Variants in ELFN1 observed in about 807,000 individuals in gnomAD.
ELFN1 encodes protein ELFN1.
Under a neutral mutation model 7.6 loss-of-function variants are expected in ELFN1, and 6 were observed. The ratio of observed to expected loss-of-function variants is 0.79; its 90% CI spans 0.43 to 1.56. The LOEUF (loss-of-function observed/expected upper bound fraction) is 1.56, where lower values mean the gene tolerates loss of function less well. Ranked by LOEUF, ELFN1 falls within the 40% of genes most tolerant of loss-of-function variation. The pLI, the probability that ELFN1 is intolerant of heterozygous loss-of-function variation, is 0.01. For synonymous variants in ELFN1, 657 were observed against 588.1 expected (o/e 1.12, Z -1.70); for missense variants, 1,169 against 1,232.2 (o/e 0.95, Z 0.77).
At chr7:1,679,143 GC>G (rs1182434487) in intron 1 of ELFN1, among the ~76,000 whole-genome samples, 9 of 151,566 alleles carry the variant, frequency 5.9e-5, no homozygotes, top group Non-Finnish European at 1.3e-4. Flanking sequence ...ACACACGCGT[GC>G]GCGCACACAC....
rs558355287 is a variant in ELFN1, at chr7:1,695,395, C to T, written c.-456+7245C>T. 1.3e-5 allele frequency among the ~76,000 whole-genome samples: 2 copies of T among 152,118 alleles called. No individual in the cohort carries two copies. Among genetic ancestry groups the T allele is most frequent in the Non-Finnish European group, 2.9e-5 (2 of 68,010 alleles). On this transcript the variant is annotated intron_variant, in intron 2 of 3. Transcript: ENST00000424383. The surrounding 1 kb of genome is among the most constrained non-coding windows in gnomAD (Gnocchi z 5.1). The stretch of plus-strand genomic sequence containing the variant: ...GCAGGACCATTGGCACAAGCCTGGG[C>T]GAGTCTCGCTGGGAGGCAGGAGCAG...
chr7:1,707,725 A>G (rs2128586901), intron 2 of ELFN1, among the ~76,000 whole-genome samples: 1 of 152,318 alleles, frequency 6.6e-6, no homozygotes, highest in South Asian at 2.1e-4. Flanking sequence ...AATAATCTCT[A>G]ACTGATGAGC....
intron 3 of ELFN1, among the ~76,000 whole-genome samples, chr7:1,726,174 C>T (rs1018375318): frequency 2.6e-5 from 4 of 152,178 alleles, no homozygotes; most frequent in Non-Finnish European, 4.4e-5. Flanking sequence ...GCACCCGCCA[C>T]GGTCCTGACC....
At chr7:1,700,760 C>G (rs1779409624) in intron 2 of ELFN1, among the ~76,000 whole-genome samples, 1 of 152,204 alleles carries the variant, frequency 6.6e-6, no homozygotes, top group Admixed American at 6.5e-5. Context: ...ATCCTCCTTC[C>G]CCAGCGCCAG....
intron 3 of ELFN1, among the ~76,000 whole-genome samples, chr7:1,719,095 A>G (rs932378710): frequency 3.9e-5 from 6 of 151,924 alleles, no homozygotes; most frequent in Middle Eastern, 3.4e-3. Flanking sequence ...GGGGTTACCA[A>G]CAGGGCCCCG....
chr7:1,699,270 TAG>T (rs1366072578), intron 2 of ELFN1, among the ~76,000 whole-genome samples: 1 of 152,206 alleles, frequency 6.6e-6, no homozygotes, highest in African/African-American at 2.4e-5. Context: ...ATGTGTTTTG[TAG>T]AGACATGTTG....
intron 3 of ELFN1, among the ~76,000 whole-genome samples, chr7:1,719,861 C>T (rs1017106034): frequency 2.0e-5 from 3 of 151,274 alleles, no homozygotes; most frequent in African/African-American, 7.3e-5. Flanking sequence ...AACCCTAGCC[C>T]CAGCCACTGG....
At chr7:1,714,205 A>G (rs908704523) in intron 3 of ELFN1, among the ~76,000 whole-genome samples, 11 of 152,102 alleles carry the variant, frequency 7.2e-5, no homozygotes, top group Non-Finnish European at 1.3e-4. Context: ...CCCAGCCCCA[A>G]GGGAAACCCA....
At chr7:1,693,662 G>C (rs1779229238) in intron 2 of ELFN1, 1 of 471,102 alleles carries the variant, frequency 2.1e-6, no homozygotes, top group Non-Finnish European at 4.4e-6. Context: ...GGTGAGCACA[G>C]ACACATGCGT....
chr7:1,681,369 C>CT (rs894258916), intron 1 of ELFN1, among the ~76,000 whole-genome samples: 24 of 151,832 alleles, frequency 1.6e-4, no homozygotes, highest in Non-Finnish European at 3.2e-4. Context: ...TTGTAAAATT[C>CT]TTTTTTTTCT....
intron 1 of ELFN1, among the ~76,000 whole-genome samples, chr7:1,683,886 T>C (rs151241492): frequency 2.6e-3 from 400 of 152,334 alleles, no homozygotes; most frequent in African/African-American, 9.3e-3. Flanking sequence ...TGGTGGCTCA[T>C]GCCTGTAATC....
intron 1 of ELFN1, among the ~76,000 whole-genome samples, chr7:1,682,915 G>C (rs1284698252): frequency 4.6e-5 from 7 of 152,068 alleles, no homozygotes; most frequent in African/African-American, 1.7e-4. Context: ...TCTGTGAATG[G>C]GTGTTGGATT....
chr7:1,673,701 G>A lies in ELFN1; in HGVS notation c.-549+3347G>A, dbSNP rs1489041313. Reference sequence around the variant, plus strand: ...GGCTGCCTTGGAGCTGGCATCCCCAGATGGAAAGACAATGGTCTCACAAAT... The same window carrying A: ...GGCTGCCTTGGAGCTGGCATCCCCAAATGGAAAGACAATGGTCTCACAAAT... On this transcript the variant is annotated intron_variant, in intron 1 of 3. Coordinates refer to ENST00000424383, the MANE Select transcript of ELFN1 (RefSeq NM_001128636.4). The surrounding 1 kb of genome is among the most constrained non-coding windows in gnomAD (Gnocchi z 4.7). 6.6e-6 allele frequency among the ~76,000 whole-genome samples: 1 copy of A among 152,210 alleles called. No homozygotes were observed. The highest frequency in any genetic ancestry group is 1.5e-5 in the Non-Finnish European group (1 of 68,024).
chr7:1,688,813 C>G (rs1173521309), intron 2 of ELFN1, among the ~76,000 whole-genome samples: 1 of 152,072 alleles, frequency 6.6e-6, no homozygotes. Context: ...ACAAATATTT[C>G]TCTTGTTACC....
At chr7:1,668,723 A>G (rs1447257675), upstream of ELFN1, among the ~76,000 whole-genome samples, 1 of 152,216 alleles carries the variant, frequency 6.6e-6, no homozygotes, top group Non-Finnish European at 1.5e-5. Flanking sequence ...CCAGGCTTGC[A>G]GTATCTATCT....
Position 1,745,338 on chromosome 7 carries a change from T to C in ELFN1, c.742T>C (p.Ser248Pro). The C allele has an allele frequency of 6.5e-7, 1 of 1,539,868 alleles. No individual in the cohort carries two copies. Among genetic ancestry groups the C allele is most frequent in the Non-Finnish European group, 8.7e-7 (1 of 1,146,676 alleles). ...GHRSILSKLQ[S>P]VCTEDSYAAE... ...CCGCAGCATCCTCAGCAAACTGCAG[T>C]CAGTCTGCACCGAGGACTCGTACGC... The change falls in exon 4 of 4, where the codon TCA (serine) becomes CCA (proline). Residue 248 changes from serine to proline, a missense_variant. Coordinates refer to ENST00000424383, the MANE Select transcript of ELFN1 (RefSeq NM_001128636.4).
At position 1,746,845 on chromosome 7, in the gene ELFN1, A is replaced by G; in HGVS notation, c.2249A>G (p.Tyr750Cys). The change falls in exon 4 of 4, where the codon TAC (tyrosine) becomes TGC (cysteine). Residue 750 changes from tyrosine (Y) to cysteine (C), a missense_variant. Coordinates refer to ENST00000424383, the MANE Select transcript of ELFN1 (RefSeq NM_001128636.4). ...CGGCCGCGGCCCCGCGACCTCGCCT[A>G]CTCGCAGCTGTCCCCGCAGTACCAC... is the stretch of plus-strand genomic sequence containing the variant. ...LTRPRPRDLA[Y>C]SQLSPQYHSL... 1.3e-6 allele frequency: 2 copies of G among 1,537,746 alleles called. No individual in the cohort carries two copies. Among genetic ancestry groups the G allele is most frequent in the Non-Finnish European group, 1.8e-6 (2 of 1,141,204 alleles).
chr7:1,730,059 C>T (rs914395455), intron 3 of ELFN1, among the ~76,000 whole-genome samples: 16 of 152,264 alleles, frequency 1.1e-4, no homozygotes, highest in Non-Finnish European at 1.3e-4. Flanking sequence ...TCTCCGAATC[C>T]GCCACGTCGG....
At chr7:1,686,059 CTT>C (rs139225517) in intron 1 of ELFN1, among the ~76,000 whole-genome samples, 1 of 147,098 alleles carries the variant, frequency 6.8e-6, no homozygotes, top group Non-Finnish European at 1.5e-5. Flanking sequence ...TTTCCATTGA[CTT>C]TTTTTTTTCT....
Sources: gnomAD v4.1 joint callset for allele counts (sites outside exome capture counted in the v4.1 genomes callset) on GRCh38, gnomAD v4.1.1 for gene constraint, Gnocchi (gnomAD v3.1) non-coding constraint, MANE v1.5 for transcripts, NCBI Gene and HGNC (gene_info 2026-07-23, HGNC 2026-07-21) for gene names.